Variants in RUFY4 observed in about 807,000 individuals in gnomAD.
RUFY4 encodes RUN and FYVE domain containing 4.
Under a neutral mutation model 69.0 loss-of-function variants are expected in RUFY4, and 73 were observed. That is an observed-to-expected ratio of 1.06 (90% confidence interval 0.88 to 1.29). RUFY4 has a LOEUF of 1.29. Ranked by LOEUF, RUFY4 falls within the 50% of genes most tolerant of loss-of-function variation. The pLI, the probability that RUFY4 is intolerant of heterozygous loss-of-function variation, is 0.00. For synonymous variants in RUFY4, 287 were observed against 271.8 expected (o/e 1.06, Z -0.55); for missense variants, 770 against 705.6 (o/e 1.09, Z -1.03).
intron 8 of RUFY4, among the ~76,000 whole-genome samples, chr2:218,082,394 A>G (rs1314245105): frequency 6.6e-6 from 1 of 152,026 alleles, no homozygotes; most frequent in African/African-American, 2.4e-5. Context: ...CCCTCCAGAG[A>G]GCTGCCATGA....
rs192439916 is a variant in RUFY4 at position 218,087,379 on chromosome 2, G to A, written c.1503-1873G>A. Among the ~76,000 whole-genome samples the A allele has an allele frequency of 6.1e-3, 925 of 152,206 alleles. 8 individuals are homozygous for A. The highest frequency in any genetic ancestry group is 0.021 in the African/African-American group (879 of 41,526). ...CATGTGGGGTAGTGGCTACCATTTTGGATGCTGTGAGAAAAGACGGCAAGT... is the reference window on the plus strand; with the variant it reads ...CATGTGGGGTAGTGGCTACCATTTTAGATGCTGTGAGAAAAGACGGCAAGT... On this transcript the variant is annotated intron_variant, in intron 9 of 10. Coordinates refer to ENST00000344321, the Ensembl canonical transcript of RUFY4.
chr2:218,065,279 A>G (rs1355812451), upstream of RUFY4, among the ~76,000 whole-genome samples: 1 of 151,820 alleles, frequency 6.6e-6, no homozygotes, highest in African/African-American at 2.4e-5. Context: ...GGGGAGAGGG[A>G]GGGGCAGAGG....
chr2:218,072,732 C>T, intron 3 of RUFY4, 47 bp from the exon 6 acceptor site: 1 of 1,419,542 alleles, frequency 7.0e-7, no homozygotes, highest in Non-Finnish European at 9.3e-7. Context: ...ACCTGGGCGC[C>T]CTTTGTCCTA....
rs538709995 is a variant in RUFY4, at chr2:218,075,040, A to G, written c.601-53A>G. On this transcript the variant is annotated intron_variant, in intron 6 of 10. Coordinates refer to ENST00000344321, the Ensembl canonical transcript of RUFY4. The stretch of plus-strand genomic sequence containing the variant: ...CACTGTGGCCTAATCTAATGGCACC[A>G]GGTCAGTGAATTGGTGCTGAGAGGG... The G allele has an allele frequency of 4.6e-4, 677 of 1,462,824 alleles. 1 individual carries two copies. Among genetic ancestry groups the G allele is most frequent in the Non-Finnish European group, 5.3e-4 (585 of 1,102,332 alleles). 90.6% of individuals were successfully genotyped at this position (1,462,824 alleles called of 1,614,324 possible). A position where few individuals can be genotyped will look rare whatever the true frequency, so the allele number is the denominator to read the frequency against.
chr2:218,046,279 C>G (rs1336718349), intron 2 of RUFY4, among the ~76,000 whole-genome samples: 5 of 151,956 alleles, frequency 3.3e-5, no homozygotes, highest in Non-Finnish European at 7.4e-5. Flanking sequence ...GCTAGAGACA[C>G]TAGAATTTAT....
chr2:218,058,293 T>C (rs1347609553), intron 2 of RUFY4, among the ~76,000 whole-genome samples: 2 of 152,212 alleles, frequency 1.3e-5, no homozygotes, highest in Admixed American at 6.5e-5. Context: ...AACATTTTCA[T>C]TGTGAATAGC....
chr2:218,046,032 C>A (rs1171949286), intron 2 of RUFY4, among the ~76,000 whole-genome samples: 1 of 152,030 alleles, frequency 6.6e-6, no homozygotes, highest in African/African-American at 2.4e-5. Flanking sequence ...TTCTAGATCT[C>A]CTGACCTCGT....
intron 3 of RUFY4, 68 bp from the exon 6 acceptor site, chr2:218,072,711 C>G: frequency 1.5e-6 from 2 of 1,346,850 alleles, no homozygotes; most frequent in Non-Finnish European, 9.9e-7. Flanking sequence ...CCAGTCCCCT[C>G]TCTCTGTGTT....
At chr2:218,090,240 TACCACAACGA>T (rs967038810) in exon 11 of RUFY4, 7 of 373,164 alleles carry the variant, frequency 1.9e-5, no homozygotes, top group African/African-American at 1.5e-4. Context: ...GCCCTGCAAC[TACCACAACGA>T]GCCAGGTGAC....
Position 218,073,884 on chromosome 2 carries a change from AG to A in RUFY4, c.600+1del. The A allele has an allele frequency of 1.9e-6, 3 of 1,613,854 alleles. No individual in the cohort carries two copies. The highest frequency in any genetic ancestry group is 2.5e-6 in the Non-Finnish European group (3 of 1,179,834). The stretch of plus-strand genomic sequence containing the variant: ...AGAAAAAACAAAGATGCCCCAAAGA[AG>A]GTGCCTCTGCCCTGCCTTCACTCTG... On this transcript the variant is annotated frameshift_variant and splice_region_variant, in exon 6 of 11. Coordinates refer to ENST00000344321, the Ensembl canonical transcript of RUFY4. LOFTEE classifies it high-confidence loss of function.
At chr2:218,060,718 A>T (rs758534497) in intron 3 of RUFY4, 21 of 1,387,156 alleles carry the variant, frequency 1.5e-5, no homozygotes, top group East Asian at 1.4e-4. Flanking sequence ...CAGCGTATGC[A>T]GGGTGAATCT....
intron 3 of RUFY4, chr2:218,060,414 G>A: frequency 6.5e-7 from 1 of 1,545,136 alleles, no homozygotes; most frequent in Admixed American, 1.8e-5. Flanking sequence ...GGGAGTCCTT[G>A]CTGATCAAGC....
chr2:218,065,834 T>A (rs1689311173), upstream of RUFY4: 1 of 152,628 alleles, frequency 6.6e-6, no homozygotes, highest in African/African-American at 2.4e-5. Flanking sequence ...ATGGCCTCCT[T>A]TAACCCCTGC....
chr2:218,037,845 G>T (rs925777177), intron 2 of RUFY4, among the ~76,000 whole-genome samples: 3 of 152,144 alleles, frequency 2.0e-5, no homozygotes, highest in African/African-American at 7.2e-5. Flanking sequence ...ATTCTGGAAG[G>T]ATCCTATGTG....
chr2:218,072,782 A>G, exon 4 of RUFY4: 1 of 1,524,912 alleles, frequency 6.6e-7, no homozygotes, highest in South Asian at 1.2e-5. Context: ...TCTGCAGTTG[A>G]AGACCCCTCT....
exon 10 of RUFY4, chr2:218,089,349 C>T (rs933440305): frequency 6.2e-6 from 10 of 1,613,772 alleles, no homozygotes; most frequent in African/African-American, 1.3e-5. Flanking sequence ...ATTTTCTCGG[C>T]GGTATCCATG....
intron 2 of RUFY4, among the ~76,000 whole-genome samples, chr2:218,047,584 T>C (rs1308998984): frequency 3.9e-5 from 6 of 152,196 alleles, no homozygotes; most frequent in Non-Finnish European, 8.8e-5. Flanking sequence ...TACAGTTGTT[T>C]TCATTCATCC....
intron 3 of RUFY4, among the ~76,000 whole-genome samples, chr2:218,064,253 G>T (rs1335695935): frequency 6.6e-6 from 1 of 152,092 alleles, no homozygotes; most frequent in Non-Finnish European, 1.5e-5. Context: ...AGGGCCCCAG[G>T]GTGCCTCCTC....
At chr2:218,090,294 T>C in exon 11 of RUFY4, 1 of 346,776 alleles carries the variant, frequency 2.9e-6, no homozygotes, top group Non-Finnish European at 5.7e-6. Flanking sequence ...GGGCTTCTTC[T>C]CTAATGTTAA....
Sources: gnomAD v4.1 joint callset for allele counts (sites outside exome capture counted in the v4.1 genomes callset) on GRCh38, gnomAD v4.1.1 for gene constraint, MANE v1.5 for transcripts, NCBI Gene and HGNC (gene_info 2026-07-23, HGNC 2026-07-21) for gene names.